The following MAPK10 variants were observed in gnomAD, a reference collection of about 807,000 sequenced individuals.
The protein encoded by MAPK10 is mitogen-activated protein kinase 10.
MAPK10 carries 25 observed loss-of-function variants against 59.3 expected under a neutral mutation model. The observed-to-expected ratio is 0.42, with a 90% CI of 0.31 to 0.59. MAPK10 has a LOEUF of 0.59. MAPK10 is among the 20% of genes least tolerant of loss of function. The pLI is 0.15. For synonymous variants in MAPK10, 190 were observed against 200.5 expected (o/e 0.95, Z 0.44); for missense variants, 351 against 568.9 (o/e 0.62, Z 3.90).
chr4:86,382,552 T>C (rs1360306122), intron 1 of MAPK10, among the ~76,000 whole-genome samples: 4 of 152,194 alleles, frequency 2.6e-5, no homozygotes, highest in Non-Finnish European at 1.5e-5. Context: ...CTTGTTCACC[T>C]AGATGCTAGC....
At chr4:86,576,341 G>GATTA (rs1761885838) in intron 1 of MAPK10, among the ~76,000 whole-genome samples, 1 of 152,178 alleles carries the variant, frequency 6.6e-6, no homozygotes, top group South Asian at 2.1e-4. Flanking sequence ...TTTAGCATCT[G>GATTA]ATTAATGGTA....
At chr4:86,147,446 G>C (rs2065271597) in intron 4 of MAPK10, among the ~76,000 whole-genome samples, 1 of 151,862 alleles carries the variant, frequency 6.6e-6, no homozygotes, top group East Asian at 1.9e-4. Context: ...TTTAAATCTA[G>C]TAAAGCTCCT....
chr4:86,134,179 C>T (rs980320040), intron 4 of MAPK10, among the ~76,000 whole-genome samples: 2 of 152,174 alleles, frequency 1.3e-5, no homozygotes, highest in African/African-American at 2.4e-5. Flanking sequence ...TAAGTCTACA[C>T]ATTTATTGAC....
At chr4:86,264,792 C>A (rs1214014363) in intron 2 of MAPK10, among the ~76,000 whole-genome samples, 1 of 151,882 alleles carries the variant, frequency 6.6e-6, no homozygotes, top group Non-Finnish European at 1.5e-5. Context: ...CTAAGACTAA[C>A]CTTGCACCCA....
chr4:86,381,818 TAGTGCTTAA>T (rs1740757070), intron 1 of MAPK10, among the ~76,000 whole-genome samples: 1 of 152,106 alleles, frequency 6.6e-6, no homozygotes, highest in African/African-American at 2.4e-5. Context: ...TCACAGTGGA[TAGTGCTTAA>T]CACTCCTAGA....
chr4:86,382,291 A>G (rs1291495105), intron 1 of MAPK10, among the ~76,000 whole-genome samples: 1 of 151,916 alleles, frequency 6.6e-6, no homozygotes. Flanking sequence ...CTTACCCCAC[A>G]CTGACCTGGC....
chr4:86,388,360 G>A (rs1741780437), intron 1 of MAPK10, among the ~76,000 whole-genome samples: 1 of 152,110 alleles, frequency 6.6e-6, no homozygotes, highest in South Asian at 2.1e-4. Context: ...TGTTTGAGTA[G>A]TAACTTATTT....
At chr4:86,496,548 C>A (rs2149077352) in intron 1 of MAPK10, among the ~76,000 whole-genome samples, 1 of 152,210 alleles carries the variant, frequency 6.6e-6, no homozygotes, top group South Asian at 2.1e-4. Flanking sequence ...CCCCTGAAGT[C>A]CTCCTTCACC....
chr4:86,228,779 A>G (rs112310344), intron 2 of MAPK10, among the ~76,000 whole-genome samples: 7,067 of 151,236 alleles, frequency 0.047, 204 homozygotes, highest in African/African-American at 0.074. Context: ...AAATAAATAA[A>G]TATTTGTTGA....
intron 1 of MAPK10, among the ~76,000 whole-genome samples, chr4:86,575,354 T>C (rs1761805047): frequency 6.6e-6 from 1 of 152,208 alleles, no homozygotes; most frequent in Non-Finnish European, 1.5e-5. Flanking sequence ...TATCATAATA[T>C]GGATTATGGA....
intron 1 of MAPK10, among the ~76,000 whole-genome samples, chr4:86,560,181 A>G (rs2149103921): frequency 6.6e-6 from 1 of 152,338 alleles, no homozygotes; most frequent in South Asian, 2.1e-4. Context: ...CTTTATATGT[A>G]AACATACAAA....
At chr4:86,382,059 A>G (rs182809064) in intron 1 of MAPK10, among the ~76,000 whole-genome samples, 2 of 152,140 alleles carry the variant, frequency 1.3e-5, no homozygotes, top group Admixed American at 6.6e-5. Context: ...TGAGCACTGT[A>G]GAATGTTTAG....
At chr4:86,547,549 G>T (rs1180508624) in intron 1 of MAPK10, among the ~76,000 whole-genome samples, 1 of 152,158 alleles carries the variant, frequency 6.6e-6, no homozygotes, top group Non-Finnish European at 1.5e-5. Flanking sequence ...CGCGCTCCCT[G>T]GGCTCCTGTG....
chr4:86,227,143 T>C (rs758049920), intron 2 of MAPK10, among the ~76,000 whole-genome samples: 11 of 152,158 alleles, frequency 7.2e-5, no homozygotes, highest in Non-Finnish European at 1.5e-4. Flanking sequence ...TTTGTTCTCC[T>C]AGAGGTTACA....
At chr4:86,501,490 T>C (rs1188491535) in intron 1 of MAPK10, among the ~76,000 whole-genome samples, 1 of 152,114 alleles carries the variant, frequency 6.6e-6, no homozygotes, top group East Asian at 1.9e-4. Context: ...TCCTAGTGTT[T>C]CCTTGCTGTG....
At chr4:86,428,944 A>G (rs1747665911) in intron 1 of MAPK10, among the ~76,000 whole-genome samples, 1 of 152,200 alleles carries the variant, frequency 6.6e-6, no homozygotes, top group Non-Finnish European at 1.5e-5. Context: ...TATTCTCTGC[A>G]TAAAACATTA....
At chr4:86,067,706 C>T (rs959566682) in intron 10 of MAPK10, 67 bp downstream of exon 10, 1 of 1,332,386 alleles carries the variant, frequency 7.5e-7, no homozygotes, top group Non-Finnish European at 1.0e-6. Context: ...ATAGAGGTCT[C>T]TATACTGTGT....
chr4:86,110,481 G>T (rs2057305398), intron 4 of MAPK10, among the ~76,000 whole-genome samples: 2 of 152,134 alleles, frequency 1.3e-5, no homozygotes, highest in Admixed American at 1.3e-4. Context: ...ATTAAATAGG[G>T]AATGCTTTCC....
At chr4:86,584,029 G>C (rs1762491626) in intron 1 of MAPK10, among the ~76,000 whole-genome samples, 1 of 152,172 alleles carries the variant, frequency 6.6e-6, no homozygotes, top group Non-Finnish European at 1.5e-5. Context: ...GAATGTGTGT[G>C]AGTGTGTGTA....
Sources: gnomAD v4.1 joint callset for allele counts (sites outside exome capture counted in the v4.1 genomes callset) on GRCh38, gnomAD v4.1.1 for gene constraint, MANE v1.5 for transcripts, NCBI Gene and HGNC (gene_info 2026-07-23, HGNC 2026-07-21) for gene names.